Variants in ENOSF1 observed in about 807,000 individuals in gnomAD.
The protein encoded by ENOSF1 is mitochondrial enolase superfamily member 1.
In ENOSF1, 73 loss-of-function variants were observed where a neutral mutation model predicts 68.2. The observed-to-expected ratio is 1.07, with a 90% CI of 0.89 to 1.30. The LOEUF is 1.30. Among genes scored for constraint, ENOSF1 ranks in the 50% most tolerant of loss-of-function variants. The probability of loss-of-function intolerance (pLI) is 0.00; values close to 1 mark genes in which losing one functional copy is unlikely to be tolerated. For missense variants in ENOSF1, 589 were observed against 554.5 expected (o/e 1.06, Z -0.62); for synonymous variants, 223 against 210.4 (o/e 1.06, Z -0.52).
chr18:676,125 G>T (rs1169224526), intron 14 of ENOSF1, among the ~76,000 whole-genome samples: 1 of 152,234 alleles, frequency 6.6e-6, no homozygotes, highest in Non-Finnish European at 1.5e-5. Context: ...AGAGGATTTA[G>T]AATCAGGTCA....
intron 1 of ENOSF1, among the ~76,000 whole-genome samples, chr18:712,170 GA>G (rs2145594388): frequency 6.6e-6 from 1 of 152,260 alleles, no homozygotes; most frequent in Non-Finnish European, 1.5e-5. Context: ...CTCCAGCAAA[GA>G]AAAAACCCAG....
Position 674,425 on chromosome 18 carries a change from AT to A in ENOSF1, c.1231-20del, listed in dbSNP as rs1258532927. 6.5e-7 allele frequency: 1 copy of A among 1,546,868 alleles called. No individual in the cohort carries two copies. The highest frequency in any genetic ancestry group is 8.9e-7 in the Non-Finnish European group (1 of 1,127,580). ...CGGGATCCTATCAAAGACCAAAAAA[AT>A]GAGTCCTGTTAACAACCACCTGGAA... On this transcript the variant is annotated intron_variant, in intron 15 of 15. Coordinates refer to ENST00000647584, the MANE Select transcript of ENOSF1 (RefSeq NM_017512.7).
At chr18:691,439 T>C (rs2606250) in intron 5 of ENOSF1, 163 bp from the exon 6 acceptor site, 352,743 of 599,910 alleles carry the variant, frequency 0.59, 105,425 homozygotes, top group African/African-American at 0.79. Flanking sequence ...TCAGTCTCCC[T>C]GGCTTATGTG....
At chr18:668,685 C>T (rs948638133), downstream of ENOSF1, among the ~76,000 whole-genome samples, 1 of 152,170 alleles carries the variant, frequency 6.6e-6, no homozygotes, top group Non-Finnish European at 1.5e-5. Context: ...TAGATTTTGT[C>T]AGTGAAATTG....
intron 11 of ENOSF1, among the ~76,000 whole-genome samples, chr18:679,660 C>T (rs2741184): frequency 6.6e-6 from 1 of 151,780 alleles, no homozygotes; most frequent in East Asian, 1.9e-4. Context: ...AGAGTCCTCA[C>T]CTGGTGAGGT....
chr18:710,135 G>GTC (rs200367236), intron 1 of ENOSF1, among the ~76,000 whole-genome samples: 5 of 151,612 alleles, frequency 3.3e-5, no homozygotes, highest in African/African-American at 9.7e-5. Context: ...TTGAGACAGG[G>GTC]TCTCTCTCTC....
chr18:674,229 C>T lies in ENOSF1; in HGVS notation c.*76G>A. ...CTTGATCGGTAGGATTTTTTAAATC[C>T]ATTTTTGTAAAACTATTTCCAAGAA... On this transcript the variant is annotated 3_prime_UTR_variant, in exon 16 of 16. Transcript: ENST00000647584. 9.7e-7 allele frequency: 1 copy of T among 1,029,734 alleles called. No homozygotes were observed. Among genetic ancestry groups the T allele is most frequent in the Non-Finnish European group, 1.5e-6 (1 of 686,528 alleles). 63.8% of individuals were successfully genotyped at this position (1,029,734 alleles called of 1,614,324 possible). A position where few individuals can be genotyped will look rare whatever the true frequency, so the allele number is the denominator to read the frequency against.
At chr18:682,429 G>C (rs985464097) in intron 11 of ENOSF1, among the ~76,000 whole-genome samples, 1 of 152,092 alleles carries the variant, frequency 6.6e-6, no homozygotes, top group Non-Finnish European at 1.5e-5. Flanking sequence ...AACGTCACTG[G>C]GCAATGAGTT....
At chr18:666,962 GA>G (rs1348351526), downstream of ENOSF1, among the ~76,000 whole-genome samples, 3 of 21,594 alleles carry the variant, frequency 1.4e-4, no homozygotes, top group South Asian at 2.1e-3. Flanking sequence ...GATGGAGATG[GA>G]GATGGTGATG....
chr18:700,907 AAAAAAAAC>A (rs1340461419), intron 2 of ENOSF1, among the ~76,000 whole-genome samples: 1 of 151,246 alleles, frequency 6.6e-6, no homozygotes, highest in Non-Finnish European at 1.5e-5. Context: ...AAAAAAAAAA[AAAAAAAAC>A]AAGAGAAATT....
At chr18:683,116 C>G (rs2741182) in intron 11 of ENOSF1, 130 bp downstream of exon 11, 235,828 of 1,107,304 alleles carry the variant, frequency 0.21, 27,767 homozygotes, top group Admixed American at 0.26. Context: ...TCACACATTA[C>G]AATTATTTCA....
intron 2 of ENOSF1, among the ~76,000 whole-genome samples, chr18:697,628 G>T (rs1006437874): frequency 2.6e-5 from 4 of 152,044 alleles, no homozygotes. Context: ...GTGCGCACCT[G>T]TAATCCCAGC....
At chr18:704,572 TG>T (rs2078725334) in intron 2 of ENOSF1, among the ~76,000 whole-genome samples, 2 of 151,458 alleles carry the variant, frequency 1.3e-5, no homozygotes, top group South Asian at 4.2e-4. Flanking sequence ...TAAGTTCGTG[TG>T]CTCCTTGTAT....
intron 2 of ENOSF1, among the ~76,000 whole-genome samples, chr18:704,663 C>T (rs1186064059): frequency 4.2e-5 from 6 of 144,228 alleles, no homozygotes; most frequent in Non-Finnish European, 9.0e-5. Flanking sequence ...TGGAGTGCAG[C>T]GGCGCAATCT....
chr18:682,492 G>A (rs927491100), intron 11 of ENOSF1, among the ~76,000 whole-genome samples: 10 of 152,060 alleles, frequency 6.6e-5, no homozygotes, highest in Non-Finnish European at 7.4e-5. Context: ...CATTATATAG[G>A]CAGTCTTTCA....
chr18:666,963 A>T (rs62090123), downstream of ENOSF1, among the ~76,000 whole-genome samples: 5,089 of 14,434 alleles, frequency 0.35, 587 homozygotes, highest in Admixed American at 0.37. Context: ...ATGGAGATGG[A>T]GATGGTGATG....
At position 702,600 on chromosome 18, in the gene ENOSF1, C is replaced by T. The variant is rs2145356190; in HGVS notation, c.193+3870G>A. Among the ~76,000 whole-genome samples the T allele has an allele frequency of 2.0e-5, 3 of 151,960 alleles. No homozygotes were observed. The South Asian group carries it at 6.2e-4, about 32-fold the overall frequency. ...TCAAAAAAAAGAAACATTAGCTAGG[C>T]ATGGTGGCTTGTGCCTGTGGGCCCA... On this transcript the variant is annotated intron_variant, in intron 2 of 15. Transcript: ENST00000647584.
chr18:673,294 A>G lies in ENOSF1; in HGVS notation c.*1011T>C. The stretch of plus-strand genomic sequence containing the variant: ...AGCAAAAACATGTATGTGCATTTCA[A>G]TCCCACGTACTTATAAAGAAGGTTG... On this transcript the variant is annotated 3_prime_UTR_variant, in exon 16 of 16. Transcript: ENST00000647584. The G allele has an allele frequency of 3.8e-6, 1 of 260,374 alleles. No individual in the cohort carries two copies. Among genetic ancestry groups the G allele is most frequent in the Non-Finnish European group, 7.3e-6 (1 of 136,216 alleles). 16.1% of individuals were successfully genotyped at this position (260,374 alleles called of 1,614,324 possible).
At position 685,921 on chromosome 18, in the gene ENOSF1, CA is replaced by C; in HGVS notation, c.740del (p.Leu247Ter). ...IRDMIGPEKT[L>X]MMDANQRWDV... ...CTTAGTGGTGTGAGAGGATATTTAC[CA>C]AAGTCTTTTCCGGTCCAATCATGTC... is the stretch of plus-strand genomic sequence containing the variant. On this transcript the variant is annotated frameshift_variant and splice_region_variant, in exon 10 of 16. Transcript: ENST00000647584. LOFTEE classifies it high-confidence loss of function. The C allele has an allele frequency of 6.2e-7, 1 of 1,612,790 alleles. No homozygotes were observed.
Sources: allele counts gnomAD v4.1 joint callset (sites outside exome capture counted in the v4.1 genomes callset), GRCh38; gene constraint gnomAD v4.1.1; transcripts MANE v1.5; gene names NCBI Gene and HGNC (gene_info 2026-07-23, HGNC 2026-07-21).